CDH18: variants seen among roughly 807,000 people sequenced by gnomAD.
The protein encoded by CDH18 is cadherin 18.
CDH18 carries 31 observed loss-of-function variants against 67.9 expected under a neutral mutation model. The observed-to-expected ratio is 0.46, with a 90% CI of 0.34 to 0.62. The LOEUF is 0.62. CDH18 is among the 20% of genes least tolerant of loss of function. CDH18 has a pLI of 0.01. For missense variants in CDH18, 890 were observed against 975.5 expected, an observed-to-expected ratio of 0.91 and a Z score of 1.17; for synonymous variants, 362 against 347.2, an observed-to-expected ratio of 1.04 and a Z score of -0.48.
intron 2 of CDH18, among the ~76,000 whole-genome samples, chr5:20,178,444 C>T (rs1232449093): frequency 6.6e-6 from 1 of 151,230 alleles, no homozygotes; most frequent in Non-Finnish European, 1.5e-5. Flanking sequence ...CAATATTTTC[C>T]TTTCCACTGC....
At chr5:20,134,988 A>G (rs1358116806) in intron 2 of CDH18, among the ~76,000 whole-genome samples, 1 of 152,098 alleles carries the variant, frequency 6.6e-6, no homozygotes, top group Non-Finnish European at 1.5e-5. Flanking sequence ...AGGCTGTAAC[A>G]TATGCTATTT....
chr5:20,496,952 G>GT (rs1753943632), intron 1 of CDH18, among the ~76,000 whole-genome samples: 1 of 152,088 alleles, frequency 6.6e-6, no homozygotes, highest in South Asian at 2.1e-4. Context: ...TGAAGGAGCT[G>GT]TGGGTGCTAG....
intron 10 of CDH18, among the ~76,000 whole-genome samples, chr5:19,519,492 C>G (rs1746558392): frequency 6.6e-6 from 1 of 152,140 alleles, no homozygotes; most frequent in South Asian, 2.1e-4. Flanking sequence ...GACCTATACC[C>G]TTTCCACTTC....
chr5:19,621,589 T>C (rs1442667217), intron 5 of CDH18, among the ~76,000 whole-genome samples: 1 of 152,178 alleles, frequency 6.6e-6, no homozygotes, highest in East Asian at 1.9e-4. Flanking sequence ...AAATACTGCA[T>C]GATCTTACTT....
At chr5:19,971,764 T>C (rs1233697738) in intron 2 of CDH18, among the ~76,000 whole-genome samples, 2 of 151,528 alleles carry the variant, frequency 1.3e-5, no homozygotes, top group Non-Finnish European at 2.9e-5. Flanking sequence ...AATACCTGGG[T>C]GATGAAATAA....
chr5:20,087,636 G>C (rs1050016920), intron 2 of CDH18, among the ~76,000 whole-genome samples: 1 of 152,144 alleles, frequency 6.6e-6, no homozygotes, highest in South Asian at 2.1e-4. Context: ...CTGGCTAAAG[G>C]CTCAGATGAA....
At chr5:20,524,557 T>C (rs1279830076) in intron 1 of CDH18, among the ~76,000 whole-genome samples, 1 of 152,176 alleles carries the variant, frequency 6.6e-6, no homozygotes, top group Non-Finnish European at 1.5e-5. Context: ...TTTAAGGTTA[T>C]TGTTAAATTT....
At chr5:20,044,468 T>A (rs1740737063) in intron 2 of CDH18, among the ~76,000 whole-genome samples, 1 of 152,150 alleles carries the variant, frequency 6.6e-6, no homozygotes. Flanking sequence ...TGTTCACACA[T>A]ATATTCAGTT....
Position 20,250,449 on chromosome 5 carries a change from C to G in CDH18, c.-518+4995G>C, listed in dbSNP as rs373518152. Among the ~76,000 whole-genome samples the G allele has an allele frequency of 1.8e-3, 271 of 151,930 alleles. 2 individuals are homozygous for G. Among genetic ancestry groups the G allele is most frequent in the African/African-American group, 6.2e-3 (259 of 41,464 alleles). The stretch of plus-strand genomic sequence containing the variant: ...CTGGGACTGCAGGCGCCCGCCACCA[C>G]GCCCAGTTAATTTTTGTATTTTTAG... On this transcript the variant is annotated intron_variant, in intron 2 of 14. Coordinates refer to the CDH18 transcript ENST00000507958.
chr5:20,222,411 T>C (rs893589802), intron 2 of CDH18, among the ~76,000 whole-genome samples: 47 of 152,174 alleles, frequency 3.1e-4, no homozygotes, highest in African/African-American at 1.1e-3. Flanking sequence ...GATTTACAAA[T>C]ACTTTCCCAA....
intron 3 of CDH18, among the ~76,000 whole-genome samples, chr5:19,837,814 T>C (rs1406439399): frequency 6.6e-6 from 1 of 152,068 alleles, no homozygotes; most frequent in African/African-American, 2.4e-5. Context: ...AATCGGGGGA[T>C]AGAAGCCACT....
chr5:20,402,284 T>C (rs950099154), intron 1 of CDH18, among the ~76,000 whole-genome samples: 2 of 152,200 alleles, frequency 1.3e-5, no homozygotes, highest in Non-Finnish European at 2.9e-5. Context: ...GTGTATTTGG[T>C]CATTGCCTGC....
intron 2 of CDH18, among the ~76,000 whole-genome samples, chr5:19,968,633 T>C (rs1281713898): frequency 6.8e-6 from 1 of 147,128 alleles, no homozygotes; most frequent in Non-Finnish European, 1.5e-5. Context: ...GAAAACTGGC[T>C]AGCCATATGT....
chr5:19,752,167 T>G (rs1056989708), intron 3 of CDH18, among the ~76,000 whole-genome samples: 10 of 152,182 alleles, frequency 6.6e-5, no homozygotes, highest in Admixed American at 1.3e-4. Flanking sequence ...GAGGAAGCAG[T>G]GTCCATTCCT....
intron 1 of CDH18, among the ~76,000 whole-genome samples, chr5:20,366,997 C>G (rs1742571804): frequency 6.6e-6 from 1 of 152,124 alleles, no homozygotes; most frequent in African/African-American, 2.4e-5. Context: ...AATGACCCTT[C>G]TCTGCCAGCC....
At chr5:20,463,337 G>A (rs76172952) in intron 1 of CDH18, among the ~76,000 whole-genome samples, 2 of 151,906 alleles carry the variant, frequency 1.3e-5, no homozygotes, top group Non-Finnish European at 2.9e-5. Context: ...AGATGCAGAC[G>A]TATCTTGTCA....
chr5:19,709,198 T>C (rs2150519588), intron 5 of CDH18, among the ~76,000 whole-genome samples: 1 of 152,084 alleles, frequency 6.6e-6, no homozygotes, highest in South Asian at 2.1e-4. Context: ...TTCGGAAATA[T>C]GTGGAGGAAA....
intron 5 of CDH18, among the ~76,000 whole-genome samples, chr5:19,670,757 C>T (rs957200073): frequency 1.3e-5 from 2 of 152,002 alleles, no homozygotes; most frequent in African/African-American, 4.8e-5. Context: ...AACACTGCAG[C>T]ACTTCTGGAG....
At chr5:19,817,077 T>C (rs1561364589) in intron 3 of CDH18, among the ~76,000 whole-genome samples, 1 of 151,834 alleles carries the variant, frequency 6.6e-6, no homozygotes, top group African/African-American at 2.4e-5. Flanking sequence ...AATAGGCAGT[T>C]AATAAAAAAG....
Sources: gnomAD v4.1 joint callset for allele counts (sites outside exome capture counted in the v4.1 genomes callset) on GRCh38, gnomAD v4.1.1 for gene constraint, MANE v1.5 for transcripts, NCBI Gene and HGNC (gene_info 2026-07-23, HGNC 2026-07-21) for gene names.